Variants in PAQR8 observed in about 807,000 individuals in gnomAD.
PAQR8 encodes the protein membrane progestin receptor beta.
Under a neutral mutation model 25.2 loss-of-function variants are expected in PAQR8, and 17 were observed. That is an observed-to-expected ratio of 0.67 (90% CI 0.46 to 1.01). The LOEUF (loss-of-function observed/expected upper bound fraction) is 1.01, where lower values mean the gene tolerates loss of function less well. Ranked by LOEUF, PAQR8 falls within the 50% of genes least tolerant of loss-of-function variation. The pLI is 0.00. For synonymous variants in PAQR8, 204 were observed against 190.6 expected (o/e 1.07, Z -0.58); for missense variants, 392 against 448.4 (o/e 0.87, Z 1.14).
intron 1 of PAQR8, among the ~76,000 whole-genome samples, chr6:52,397,310 T>G (rs1763777874): frequency 6.6e-6 from 1 of 152,112 alleles, no homozygotes; most frequent in Non-Finnish European, 1.5e-5. Context: ...GTCATACCAT[T>G]CCTATGCTCT....
At chr6:52,403,125 C>A in intron 1 of PAQR8, 37 bp from the exon 2 acceptor site, 1 of 1,095,376 alleles carries the variant, frequency 9.1e-7, no homozygotes, top group Non-Finnish European at 1.3e-6. Context: ...ATTCGTGTCT[C>A]ACTGCGGCTT....
rs146353145 is a variant in PAQR8 at position 52,403,288 on chromosome 6, C to G, written c.75C>G (p.Ile25Met). Residue 25 changes from isoleucine to methionine, a missense_variant, in exon 2 of 2, where the codon ATC becomes ATG. Transcript: ENST00000442253. ...SGQQLRRLPK[I>M]LEDGLPKMPC... ...AGCAGCTGCGCCGCCTGCCCAAGATCCTGGAGGATGGGCTTCCCAAGATGC... is the reference window on the plus strand; with the variant it reads ...AGCAGCTGCGCCGCCTGCCCAAGATGCTGGAGGATGGGCTTCCCAAGATGC... 1.2e-6 allele frequency: 2 copies of G among 1,613,734 alleles called. No homozygotes were observed. The highest frequency in any genetic ancestry group is 1.7e-6 in the Non-Finnish European group (2 of 1,179,814).
chr6:52,374,608 G>A (rs984683427), intron 1 of PAQR8, among the ~76,000 whole-genome samples: 1 of 152,110 alleles, frequency 6.6e-6, no homozygotes, highest in Non-Finnish European at 1.5e-5. Context: ...CTATGTTGGT[G>A]CCCAGGTTGG....
intron 1 of PAQR8, among the ~76,000 whole-genome samples, chr6:52,381,637 T>C (rs1384444374): frequency 6.6e-6 from 1 of 152,178 alleles, no homozygotes; most frequent in Non-Finnish European, 1.5e-5. Context: ...ATCTCAGAAA[T>C]TGCCCCCTAC....
chr6:52,389,927 G>C (rs867172369), intron 1 of PAQR8, among the ~76,000 whole-genome samples: 1 of 152,160 alleles, frequency 6.6e-6, no homozygotes, highest in African/African-American at 2.4e-5. Context: ...TAGTTGAGAG[G>C]TTGCCTGACT....
chr6:52,399,073 G>A (rs768981844), intron 1 of PAQR8, among the ~76,000 whole-genome samples: 10 of 152,158 alleles, frequency 6.6e-5, no homozygotes, highest in Non-Finnish European at 4.4e-5. Flanking sequence ...ATTTGTAAGG[G>A]AAATGATGAT....
intron 1 of PAQR8, among the ~76,000 whole-genome samples, chr6:52,371,379 CTTGAA>C (rs1763417434): frequency 6.6e-6 from 1 of 152,090 alleles, no homozygotes; most frequent in South Asian, 2.1e-4. Context: ...TCTTGCTAGA[CTTGAA>C]TTGGAGCACT....
At position 52,362,278 on chromosome 6, in the gene PAQR8, G is replaced by C. The variant is rs1200684638; in HGVS notation, c.-53+29G>C. ...AGTCCCGCCGCGGGAGGCGCGGAAC[G>C]GGTCGAGTTGGGTATTGGGACCGCG... On this transcript the variant is annotated intron_variant, in intron 1 of 1. Coordinates refer to ENST00000442253, the MANE Select transcript of PAQR8 (RefSeq NM_133367.5). The surrounding 1 kb of genome is among the most constrained non-coding windows in gnomAD (Gnocchi z 4.1). 1 of 152,218 alleles carries C rather than the reference G, an allele frequency of 6.6e-6. No individual in the cohort carries two copies. The highest frequency in any genetic ancestry group is 1.9e-4 in the East Asian group (1 of 5,186). The allele number at this position is 152,218 out of a possible 1,614,324, so 9.4% of individuals were successfully genotyped here. A position where few individuals can be genotyped will look rare whatever the true frequency, so the allele number is the denominator to read the frequency against.
At chr6:52,370,557 G>T (rs1045605924) in intron 1 of PAQR8, among the ~76,000 whole-genome samples, 1 of 152,046 alleles carries the variant, frequency 6.6e-6, no homozygotes, top group African/African-American at 2.4e-5. Context: ...ACTGGTAGTA[G>T]GTGCAGTACC....
chr6:52,365,429 C>T (rs1158004753), intron 1 of PAQR8, among the ~76,000 whole-genome samples: 2 of 151,846 alleles, frequency 1.3e-5, no homozygotes, highest in Admixed American at 6.6e-5. Flanking sequence ...CCTCAGTTTT[C>T]TTAAAATGAA....
At chr6:52,363,197 C>G (rs1269925537) in intron 1 of PAQR8, among the ~76,000 whole-genome samples, 1 of 152,074 alleles carries the variant, frequency 6.6e-6, no homozygotes, top group Non-Finnish European at 1.5e-5. Flanking sequence ...TGCACCTTGC[C>G]GACCCGGTGC....
intron 1 of PAQR8, among the ~76,000 whole-genome samples, chr6:52,368,128 G>A (rs762019610): frequency 3.3e-5 from 5 of 152,086 alleles, no homozygotes; most frequent in Non-Finnish European, 2.9e-5. Flanking sequence ...TACTTGGGAC[G>A]TGCACACACA....
chr6:52,388,043 G>A (rs1327432016), intron 1 of PAQR8, among the ~76,000 whole-genome samples: 1 of 152,164 alleles, frequency 6.6e-6, no homozygotes, highest in Non-Finnish European at 1.5e-5. Context: ...ACATTATGGT[G>A]AGTTGTATAA....
intron 1 of PAQR8, among the ~76,000 whole-genome samples, chr6:52,399,111 CT>C (rs1446057304): frequency 6.6e-6 from 1 of 152,144 alleles, no homozygotes; most frequent in Non-Finnish European, 1.5e-5. Flanking sequence ...CCTTGTGCAC[CT>C]TTTCTTTTGA....
intron 1 of PAQR8, among the ~76,000 whole-genome samples, chr6:52,367,691 G>C (rs1317225134): frequency 6.6e-6 from 1 of 152,206 alleles, no homozygotes; most frequent in African/African-American, 2.4e-5. Flanking sequence ...GTACTCTGCA[G>C]ATCAACCACG....
Position 52,403,636 on chromosome 6 carries a change from C to T in PAQR8, c.423C>T (p.Tyr141=). The T allele has an allele frequency of 1.9e-6, 3 of 1,614,188 alleles. No individual in the cohort carries two copies. The highest frequency in any genetic ancestry group is 2.5e-6 in the Non-Finnish European group (3 of 1,180,044). ...LLQSKSELSH[Y]TFYFVDYVGV... is the part of the protein sequence containing the mutation. ...AGTCCAAGTCAGAGCTCTCCCACTA[C>T]ACCTTCTACTTTGTGGACTATGTTG... is the stretch of plus-strand genomic sequence containing the variant. The change falls in exon 2 of 2, where the codon TAC becomes TAT. Residue 141 remains tyrosine, a synonymous_variant. Transcript: ENST00000442253.
intron 1 of PAQR8, among the ~76,000 whole-genome samples, chr6:52,388,501 G>T (rs1005801976): frequency 6.6e-6 from 1 of 152,172 alleles, no homozygotes; most frequent in Non-Finnish European, 1.5e-5. Context: ...TGCTGAAAAG[G>T]TTGGGGACCA....
chr6:52,372,787 G>A (rs974689017), intron 1 of PAQR8, among the ~76,000 whole-genome samples: 2 of 150,436 alleles, frequency 1.3e-5, no homozygotes, highest in African/African-American at 4.9e-5. Context: ...TTATTTTAAA[G>A]CAAATCCCAG....
intron 1 of PAQR8, among the ~76,000 whole-genome samples, chr6:52,379,387 T>C (rs545192350): frequency 6.6e-6 from 1 of 152,272 alleles, no homozygotes; most frequent in African/African-American, 2.4e-5. Flanking sequence ...CACTGTGAAT[T>C]GATTTAACAC....
Sources: allele counts gnomAD v4.1 joint callset (sites outside exome capture counted in the v4.1 genomes callset), GRCh38; gene constraint gnomAD v4.1.1; non-coding constraint Gnocchi (gnomAD v3.1); transcripts MANE v1.5; gene names NCBI Gene and HGNC (gene_info 2026-07-23, HGNC 2026-07-21).